MACROD2: variants seen among roughly 807,000 people sequenced by gnomAD.
MACROD2 encodes ADP-ribose glycohydrolase MACROD2.
MACROD2 carries 36 observed loss-of-function variants against 70.4 expected under a neutral mutation model. The ratio of observed to expected loss-of-function variants is 0.51; its 90% CI spans 0.39 to 0.68. The LOEUF is 0.68. MACROD2 is among the 30% of genes least tolerant of loss of function. The pLI is 0.00. For synonymous variants in MACROD2, 172 were observed against 178.8 expected, an observed-to-expected ratio of 0.96 and a Z score of 0.30; for missense variants, 496 against 538.4, an observed-to-expected ratio of 0.92 and a Z score of 0.78.
At chr20:15,096,695 A>G (rs1449761814) in intron 5 of MACROD2, among the ~76,000 whole-genome samples, 2 of 151,504 alleles carry the variant, frequency 1.3e-5, no homozygotes, top group Non-Finnish European at 2.9e-5. Flanking sequence ...TATTTTTAGT[A>G]GAAACAAGCT....
chr20:15,649,756 A>G (rs184404807), intron 8 of MACROD2, among the ~76,000 whole-genome samples: 30 of 152,258 alleles, frequency 2.0e-4, no homozygotes, highest in African/African-American at 6.3e-4. Context: ...GGAAGCCACA[A>G]TGTCCTTTAT....
intron 3 of MACROD2, among the ~76,000 whole-genome samples, chr20:14,247,184 G>A (rs6079372): frequency 0.8 from 121,386 of 152,048 alleles, 49,523 homozygotes; most frequent in Non-Finnish European, 0.88. Flanking sequence ...CAATAGAGAA[G>A]CAAATCTACA....
chr20:15,651,549 T>G (rs2049643387), intron 8 of MACROD2, among the ~76,000 whole-genome samples: 1 of 152,204 alleles, frequency 6.6e-6, no homozygotes, highest in Admixed American at 6.5e-5. Context: ...CTCTCAGCTC[T>G]GTCTGTCAGC....
intron 6 of MACROD2, among the ~76,000 whole-genome samples, chr20:15,305,255 T>C (rs1262269830): frequency 6.6e-6 from 1 of 152,032 alleles, no homozygotes; most frequent in Non-Finnish European, 1.5e-5. Flanking sequence ...ATGGATCTCA[T>C]GTTTAAGATA....
intron 5 of MACROD2, among the ~76,000 whole-genome samples, chr20:15,053,825 G>A (rs2075461902): frequency 6.6e-6 from 1 of 152,158 alleles, no homozygotes; most frequent in Non-Finnish European, 1.5e-5. Flanking sequence ...AAACCTTCTG[G>A]AAAGGATTCA....
intron 10 of MACROD2, among the ~76,000 whole-genome samples, chr20:15,902,302 A>G (rs187481724): frequency 8.5e-5 from 13 of 152,066 alleles, no homozygotes; most frequent in Admixed American, 4.6e-4. Context: ...TAATATATGT[A>G]TTAATATATT....
chr20:14,152,428 A>AT (rs5840595), intron 3 of MACROD2, among the ~76,000 whole-genome samples: 2,179 of 127,408 alleles, frequency 0.017, 55 homozygotes, highest in African/African-American at 0.057. Context: ...TCTCCTCTAC[A>AT]TTTTTTTTTT....
intron 5 of MACROD2, among the ~76,000 whole-genome samples, chr20:15,086,762 G>A (rs1476077881): frequency 6.6e-6 from 1 of 152,030 alleles, no homozygotes; most frequent in South Asian, 2.1e-4. Context: ...CTAGTATAAC[G>A]TTGTACAGGC....
intron 5 of MACROD2, among the ~76,000 whole-genome samples, chr20:14,795,302 CAG>C (rs1333773110): frequency 3.9e-5 from 6 of 151,928 alleles, no homozygotes; most frequent in Admixed American, 3.9e-4. Context: ...AGAATAGAAA[CAG>C]AGAGAGTATG....
chr20:15,364,271 T>C (rs2045373342), intron 6 of MACROD2, among the ~76,000 whole-genome samples: 1 of 152,254 alleles, frequency 6.6e-6, no homozygotes, highest in Non-Finnish European at 1.5e-5. Flanking sequence ...AAGCACTGGA[T>C]GCCCTGCAGC....
intron 5 of MACROD2, among the ~76,000 whole-genome samples, chr20:14,940,385 T>C (rs1298840188): frequency 1.3e-5 from 2 of 152,068 alleles, no homozygotes; most frequent in Non-Finnish European, 2.9e-5. Flanking sequence ...TCTGGATGTC[T>C]TTTATTTCTT....
At chr20:14,219,172 A>AT (rs889872966) in intron 3 of MACROD2, among the ~76,000 whole-genome samples, 1 of 152,154 alleles carries the variant, frequency 6.6e-6, no homozygotes, top group Non-Finnish European at 1.5e-5. Context: ...AACACTGATT[A>AT]TTTTTAGGTT....
At chr20:15,464,935 A>G (rs1222095940) in intron 7 of MACROD2, among the ~76,000 whole-genome samples, 1 of 152,088 alleles carries the variant, frequency 6.6e-6, no homozygotes, top group Non-Finnish European at 1.5e-5. Flanking sequence ...GGTAGGACTG[A>G]CACTCCTCTG....
intron 2 of MACROD2, among the ~76,000 whole-genome samples, chr20:14,070,449 C>T (rs1439246914): frequency 1.3e-5 from 2 of 151,982 alleles, no homozygotes; most frequent in Non-Finnish European, 2.9e-5. Flanking sequence ...CCTCTAGTTC[C>T]CTGATTGTAT....
At chr20:14,048,989 ATGG>A (rs2053518305) in intron 2 of MACROD2, among the ~76,000 whole-genome samples, 1 of 152,090 alleles carries the variant, frequency 6.6e-6, no homozygotes, top group Non-Finnish European at 1.5e-5. Flanking sequence ...CTGTCTATTC[ATGG>A]TATACTATGC....
rs1259542672 is a variant in MACROD2, at chr20:14,842,101, C to T, written c.418+157142C>T. ...TTAAAGGGCTGCATCTGGTGAGTGC[C>T]TTCTTGCTGCATCATGGCATGATTG... On this transcript the variant is annotated intron_variant, in intron 5 of 17. Transcript: ENST00000684519. Among the ~76,000 whole-genome samples, 3 of 152,062 alleles carry T rather than the reference C, an allele frequency of 2.0e-5. No homozygotes were observed. In the East Asian group the frequency reaches 5.8e-4, roughly 29 times the overall value.
At chr20:14,459,063 T>C (rs2084336761) in intron 3 of MACROD2, among the ~76,000 whole-genome samples, 1 of 152,062 alleles carries the variant, frequency 6.6e-6, no homozygotes, top group African/African-American at 2.4e-5. Flanking sequence ...TTAATAAATA[T>C]TAATTTATTA....
At chr20:14,057,137 G>A (rs1947981730) in intron 2 of MACROD2, among the ~76,000 whole-genome samples, 2 of 152,052 alleles carry the variant, frequency 1.3e-5, no homozygotes, top group South Asian at 4.1e-4. Flanking sequence ...AGTAAAATAA[G>A]CCCCTAGAGG....
intron 3 of MACROD2, among the ~76,000 whole-genome samples, chr20:14,105,360 G>C (rs965463178): frequency 2.0e-5 from 3 of 152,216 alleles, no homozygotes; most frequent in African/African-American, 7.2e-5. Context: ...CACAGTGCCT[G>C]GGTGACTCAG....
Sources: allele counts gnomAD v4.1 joint callset (sites outside exome capture counted in the v4.1 genomes callset), GRCh38; gene constraint gnomAD v4.1.1; transcripts MANE v1.5; gene names NCBI Gene and HGNC (gene_info 2026-07-23, HGNC 2026-07-21).